Variants in TANC1 observed in about 807,000 individuals in gnomAD.
TANC1 encodes protein TANC1.
A neutral mutation model predicts 149.7 loss-of-function variants in TANC1; 77 were observed. The ratio of observed to expected loss-of-function variants is 0.51; its 90% confidence interval spans 0.43 to 0.62. The LOEUF (loss-of-function observed/expected upper bound fraction) is 0.62, where lower values mean the gene tolerates loss of function less well. TANC1 is among the 20% of genes least tolerant of loss of function. The probability of loss-of-function intolerance (pLI) is 0.00; values close to 1 mark genes in which losing one functional copy is unlikely to be tolerated. For missense variants in TANC1, 1,985 were observed against 2,321.8 expected (o/e 0.85, Z 2.98); for synonymous variants, 854 against 925.0 (o/e 0.92, Z 1.39).
At chr2:159,229,537 C>A (rs535493119) in intron 26 of TANC1, 41 bp from the exon 27 acceptor site, 6 of 1,450,510 alleles carry the variant, frequency 4.1e-6, no homozygotes, top group South Asian at 3.6e-5. Flanking sequence ...TGAGCATGTT[C>A]GTGTGTGGTT....
At chr2:159,145,166 T>A (rs1480857276) in intron 5 of TANC1, among the ~76,000 whole-genome samples, 1 of 152,158 alleles carries the variant, frequency 6.6e-6, no homozygotes, top group Non-Finnish European at 1.5e-5. Context: ...TTGGGATGGT[T>A]TGGTAAGCAG....
chr2:159,109,802 A>G (rs7595768), intron 4 of TANC1, among the ~76,000 whole-genome samples: 49,307 of 151,840 alleles, frequency 0.32, 8,668 homozygotes, highest in East Asian at 0.63. Context: ...CACCACATGT[A>G]TTCAAGTCAA....
At chr2:159,137,439 G>T (rs1205430310) in intron 5 of TANC1, among the ~76,000 whole-genome samples, 1 of 152,194 alleles carries the variant, frequency 6.6e-6, no homozygotes, top group Non-Finnish European at 1.5e-5. Context: ...TGCTATTGCA[G>T]GTGTCTTGGC....
intron 1 of TANC1, among the ~76,000 whole-genome samples, chr2:158,983,937 C>G (rs528673976): frequency 6.6e-5 from 10 of 152,322 alleles, no homozygotes; most frequent in Admixed American, 5.2e-4. Context: ...ATGGTCCTTG[C>G]ATTCTTGCCA....
intron 4 of TANC1, among the ~76,000 whole-genome samples, chr2:159,129,573 T>G (rs754920596): frequency 2.6e-5 from 4 of 152,096 alleles, no homozygotes; most frequent in African/African-American, 9.7e-5. Flanking sequence ...TTTTGTTGTT[T>G]TTTTTTTCTT....
At chr2:158,974,819 A>G (rs139225423) in intron 1 of TANC1, among the ~76,000 whole-genome samples, 58 of 151,424 alleles carry the variant, frequency 3.8e-4, no homozygotes, top group African/African-American at 1.3e-3. Context: ...TGCATCCTCA[A>G]CCTCCTGGAC....
chr2:159,224,433 C>T, intron 23 of TANC1, 69 bp downstream of exon 23: 2 of 1,575,076 alleles, frequency 1.3e-6, no homozygotes, highest in East Asian at 2.2e-5. Context: ...CTAGACAGCA[C>T]AGAGAGTGAC....
chr2:159,135,575 G>A (rs2150194939), intron 4 of TANC1, among the ~76,000 whole-genome samples: 1 of 152,388 alleles, frequency 6.6e-6, no homozygotes, highest in Non-Finnish European at 1.5e-5. Context: ...TGTGGGAACA[G>A]GAGGTAGGAG....
rs2034332837 is a variant in TANC1, at chr2:158,981,496, TATATATA to T, written c.-126+12715_-126+12721del. On this transcript the variant is annotated intron_variant, in intron 1 of 26. Coordinates refer to ENST00000263635, the MANE Select transcript of TANC1 (RefSeq NM_033394.3). ...TAGCAATTAATATATAGCTTTTATA[TATATATA>T]TATATATATATATATATATATATAT... Among the ~76,000 whole-genome samples the T allele has an allele frequency of 1.1e-3, 12 of 11,032 alleles. No individual in the cohort carries two copies. In the East Asian group the frequency reaches 0.022, roughly 20 times the overall value. 7.2% of individuals were successfully genotyped at this position (11,032 alleles called of 152,430 possible).
intron 2 of TANC1, among the ~76,000 whole-genome samples, chr2:159,029,132 T>C (rs1169312952): frequency 6.6e-6 from 1 of 152,234 alleles, no homozygotes; most frequent in East Asian, 1.9e-4. Flanking sequence ...TTATTTCTCT[T>C]GTGTGATGTC....
chr2:158,988,325 C>A (rs79864815), intron 1 of TANC1, among the ~76,000 whole-genome samples: 18,575 of 86,974 alleles, frequency 0.21, 1,586 homozygotes, highest in Admixed American at 0.25. Context: ...GACCCTGTCC[C>A]AAAAAAAAAA....
rs13421084 is a variant in TANC1 at position 159,229,957 on chromosome 2, G to A, written c.4531G>A (p.Gly1511Ser). 0.037 allele frequency: 60,126 copies of A among 1,613,944 alleles called. 3,739 individuals carry two copies. The highest frequency in any genetic ancestry group is 0.24 in the East Asian group (10,735 of 44,868). The change falls in exon 27 of 27, where the codon GGC becomes AGC. Residue 1511 changes from glycine (G) to serine (S), a missense_variant. Physicochemically the swap from Gly to Ser is moderately conservative, Grantham distance 56. Coordinates refer to ENST00000263635, the MANE Select transcript of TANC1 (RefSeq NM_033394.3). The part of the protein sequence containing the change: ...PVSPQSRAGI[G>S]KSLREPVAQP... ...ATCGCCACAGAGCAGGGCAGGAATCGGCAAGTCCCTGAGAGAGCCTGTGGC... is the reference window on the plus strand; with the variant it reads ...ATCGCCACAGAGCAGGGCAGGAATCAGCAAGTCCCTGAGAGAGCCTGTGGC...
intron 4 of TANC1, among the ~76,000 whole-genome samples, chr2:159,129,677 T>TTCC (rs1179785032): frequency 6.6e-6 from 1 of 152,148 alleles, no homozygotes; most frequent in Non-Finnish European, 1.5e-5. Flanking sequence ...CTTTATAACT[T>TTCC]TGAGATCCAC....
At chr2:159,125,573 TCCTC>T (rs143564944) in intron 4 of TANC1, among the ~76,000 whole-genome samples, 1 of 138,984 alleles carries the variant, frequency 7.2e-6, no homozygotes, top group African/African-American at 2.7e-5. Flanking sequence ...ATTCCTTCCT[TCCTC>T]CCTCCCTCCC....
At chr2:159,024,236 A>G (rs941647989) in intron 2 of TANC1, among the ~76,000 whole-genome samples, 4 of 152,218 alleles carry the variant, frequency 2.6e-5, no homozygotes, top group African/African-American at 9.6e-5. Context: ...GGAACTGGAA[A>G]ATCCCTATTG....
At chr2:158,997,080 A>C (rs1479739157) in intron 1 of TANC1, among the ~76,000 whole-genome samples, 1 of 152,202 alleles carries the variant, frequency 6.6e-6, no homozygotes, top group Non-Finnish European at 1.5e-5. Flanking sequence ...GTGGGGACAG[A>C]AAGACATGGA....
Position 159,078,651 on chromosome 2 carries a change from G to A in TANC1, c.61+12680G>A, listed in dbSNP as rs540976331. ...GATTCTGAAGATTAGAGATTCTGGAGGATTTTTTCCCCCTCCATCCATTAA... is the reference window on the plus strand; with the variant it reads ...GATTCTGAAGATTAGAGATTCTGGAAGATTTTTTCCCCCTCCATCCATTAA... On this transcript the variant is annotated intron_variant, in intron 3 of 26. Transcript: ENST00000263635. Among the ~76,000 whole-genome samples the A allele has an allele frequency of 3.9e-5, 6 of 152,230 alleles. No homozygotes were observed. The South Asian group carries it at 1.2e-3, about 32-fold the overall frequency.
At chr2:159,134,483 T>C (rs964023591) in intron 4 of TANC1, among the ~76,000 whole-genome samples, 39 of 151,156 alleles carry the variant, frequency 2.6e-4, no homozygotes, top group Non-Finnish European at 5.5e-4. Flanking sequence ...TTTGTTTATT[T>C]TTATTTATTT....
intron 16 of TANC1, among the ~76,000 whole-genome samples, chr2:159,193,532 G>A (rs1010718557): frequency 6.6e-6 from 1 of 152,090 alleles, no homozygotes; most frequent in African/African-American, 2.4e-5. Context: ...TTGTTGTTTT[G>A]TTTTTGTTTT....
Sources: allele counts gnomAD v4.1 joint callset (sites outside exome capture counted in the v4.1 genomes callset), GRCh38; gene constraint gnomAD v4.1.1; transcripts MANE v1.5; gene names NCBI Gene and HGNC (gene_info 2026-07-23, HGNC 2026-07-21).